MGME1: variants seen among roughly 807,000 people sequenced by gnomAD.
The protein encoded by MGME1 is mitochondrial genome maintenance exonuclease 1, also known as chromosome 20 open reading frame 72.
MGME1 carries 22 observed loss-of-function variants against 33.0 expected under a neutral mutation model. That is an observed-to-expected ratio of 0.67 (90% confidence interval 0.48 to 0.95). MGME1 has a LOEUF of 0.95. MGME1 is among the 40% of genes least tolerant of loss of function. MGME1 has a pLI of 0.00. For synonymous variants in MGME1, 133 were observed against 144.0 expected, an observed-to-expected ratio of 0.92 and a Z score of 0.55; for missense variants, 383 against 397.8, an observed-to-expected ratio of 0.96 and a Z score of 0.32.
intron 3 of MGME1, among the ~76,000 whole-genome samples, chr20:17,982,983 C>A (rs886415756): frequency 4.6e-5 from 7 of 152,208 alleles, no homozygotes; most frequent in African/African-American, 1.7e-4. Flanking sequence ...CCATGCTGTG[C>A]AACAGATCAC....
At chr20:17,980,730 A>AT (rs1348666930) in intron 3 of MGME1, among the ~76,000 whole-genome samples, 1 of 151,424 alleles carries the variant, frequency 6.6e-6, no homozygotes, top group Non-Finnish European at 1.5e-5. Context: ...AATGGCGTGA[A>AT]CCCGGGAGGC....
intron 3 of MGME1, among the ~76,000 whole-genome samples, chr20:17,987,157 G>GTGAGAC (rs1600405364): frequency 1.5e-5 from 2 of 132,272 alleles, no homozygotes; most frequent in East Asian, 4.2e-4. Context: ...TCCAGCCTGA[G>GTGAGAC]TGAGACTCCA....
intron 2 of MGME1, among the ~76,000 whole-genome samples, chr20:17,975,417 C>T (rs868542816): frequency 4.8e-4 from 73 of 152,010 alleles, no homozygotes; most frequent in African/African-American, 1.4e-3. Flanking sequence ...ATTAGCCAGG[C>T]ACGGTGGCGG....
At position 17,981,507 on chromosome 20, in the gene MGME1, T is replaced by G. The variant is rs557001189; in HGVS notation, c.731+5604T>G. ...ATGTTACATTATTATTTTGATCTACTTCTTTTTTTACTTTTTTATAGAAAT... is the reference window on the plus strand; with the variant it reads ...ATGTTACATTATTATTTTGATCTACGTCTTTTTTTACTTTTTTATAGAAAT... On this transcript the variant is annotated intron_variant, in intron 3 of 4. Coordinates refer to ENST00000377710, the MANE Select transcript of MGME1 (RefSeq NM_052865.4). Among the ~76,000 whole-genome samples, 5 of 152,384 alleles carry G rather than the reference T, an allele frequency of 3.3e-5. No homozygotes were observed. The South Asian group carries it at 1.0e-3, about 32-fold the overall frequency.
intron 4 of MGME1, among the ~76,000 whole-genome samples, chr20:17,988,551 A>C (rs2036210971): frequency 6.6e-6 from 1 of 150,908 alleles, no homozygotes; most frequent in Admixed American, 6.6e-5. Flanking sequence ...CTGAGGCAGG[A>C]GAATTGCTTG....
At chr20:17,968,649 C>T, upstream of MGME1, 1 of 609,720 alleles carries the variant, frequency 1.6e-6, no homozygotes, top group Non-Finnish European at 3.0e-6. Flanking sequence ...GCCTCCCAGT[C>T]CCCGCTGCCG....
Position 17,990,308 on chromosome 20 carries a change from C to T in MGME1, c.*199C>T, listed in dbSNP as rs1052651005. On this transcript the variant is annotated 3_prime_UTR_variant, in exon 5 of 5. Coordinates refer to ENST00000377710, the MANE Select transcript of MGME1 (RefSeq NM_052865.4). ...AGTCTAGATATAAAGACCTAGACTT[C>T]GGCACGCGAAATCCCAGCTATGCTA... is the stretch of plus-strand genomic sequence containing the variant. 4.9e-6 allele frequency: 3 copies of T among 609,912 alleles called. No homozygotes were observed. The highest frequency in any genetic ancestry group is 5.8e-6 in the Non-Finnish European group (2 of 343,738). 37.8% of individuals were successfully genotyped at this position (609,912 alleles called of 1,614,324 possible).
chr20:17,969,460 C>T (rs2035652076), intron 1 of MGME1, among the ~76,000 whole-genome samples: 1 of 152,224 alleles, frequency 6.6e-6, no homozygotes, highest in South Asian at 2.1e-4. Flanking sequence ...AGGAATTAGT[C>T]GTCGTCTGTC....
rs142226565 is a variant in MGME1, at chr20:17,972,180, A to C, written c.511+1810A>C. 5.2e-3 allele frequency among the ~76,000 whole-genome samples: 790 copies of C among 152,350 alleles called. 7 individuals are homozygous for C. Among genetic ancestry groups the C allele is most frequent in the African/African-American group, 0.018 (754 of 41,570 alleles). On this transcript the variant is annotated intron_variant, in intron 2 of 4. Coordinates refer to ENST00000377710, the MANE Select transcript of MGME1 (RefSeq NM_052865.4). The stretch of plus-strand genomic sequence containing the variant: ...TGGAGGATACTGGATCCCAAACCCA[A>C]GAAGGTGGCACCCAAGAAGAATTAC...
At chr20:17,988,984 G>A (rs940789163) in intron 4 of MGME1, among the ~76,000 whole-genome samples, 20 of 152,146 alleles carry the variant, frequency 1.3e-4, no homozygotes, top group Non-Finnish European at 1.2e-4. Context: ...AGCTACTTGG[G>A]AGGCTGAGGT....
chr20:17,970,488 C>A, intron 2 of MGME1, 118 bp downstream of exon 2: 2 of 983,288 alleles, frequency 2.0e-6, no homozygotes, highest in South Asian at 1.6e-5. Flanking sequence ...GAACTCCCTT[C>A]AGATAGTAAT....
chr20:17,989,611 C>G (rs940932251), intron 4 of MGME1, among the ~76,000 whole-genome samples: 7 of 151,114 alleles, frequency 4.6e-5, no homozygotes, highest in African/African-American at 1.7e-4. Context: ...TGCAACGAGC[C>G]GAGATTGTGC....
Position 17,986,371 on chromosome 20 carries a change from AT to A in MGME1, c.732-1783del, listed in dbSNP as rs957074655. On this transcript the variant is annotated intron_variant, in intron 3 of 4. Transcript: ENST00000377710. ...GGTGTAAGCCACCGTGCCCGGCAGA[AT>A]TTTTTTTTTTTCTTTTTTCCTGAGA... 5.3e-4 allele frequency among the ~76,000 whole-genome samples: 75 copies of A among 140,194 alleles called. No individual in the cohort carries two copies. In the Middle Eastern group the frequency reaches 0.012, roughly 22 times the overall value. The allele number at this position is 140,194 out of a possible 152,430, so 92.0% of individuals were successfully genotyped here. A position where few individuals can be genotyped will look rare whatever the true frequency, so the allele number is the denominator to read the frequency against.
upstream of MGME1, chr20:17,968,746 C>T (rs1397920339): frequency 2.6e-6 from 1 of 391,778 alleles, no homozygotes; most frequent in South Asian, 3.2e-5. Flanking sequence ...GGCCGCGACA[C>T]GGACGGGAAG....
At chr20:17,981,055 T>G (rs1332451678) in intron 3 of MGME1, among the ~76,000 whole-genome samples, 1 of 152,156 alleles carries the variant, frequency 6.6e-6, no homozygotes, top group African/African-American at 2.4e-5. Context: ...TGGCACTACC[T>G]CCTTCTAGTC....
intron 2 of MGME1, among the ~76,000 whole-genome samples, chr20:17,971,778 A>G (rs2035734354): frequency 6.6e-6 from 1 of 152,130 alleles, no homozygotes; most frequent in South Asian, 2.1e-4. Context: ...AGCAACCTTA[A>G]GAAATGAGCA....
intron 2 of MGME1, among the ~76,000 whole-genome samples, chr20:17,973,597 G>A (rs2035783000): frequency 6.6e-6 from 1 of 150,840 alleles, no homozygotes; most frequent in Non-Finnish European, 1.5e-5. Context: ...AGCAATGATC[G>A]AGCCAGTACA....
rs1555792156 is a variant in MGME1, at chr20:17,990,410, T to TGGGCGGG, written c.*304_*305insCGGGGGG. The TGGGCGGG allele has an allele frequency of 2.2e-5, 1 of 44,504 alleles. No homozygotes were observed. The highest frequency in any genetic ancestry group is 1.4e-4 in the African/African-American group (1 of 7,190). 2.8% of individuals were successfully genotyped at this position (44,504 alleles called of 1,614,324 possible). ...ACTCTTGTACTCCCTTGAGGGACAT[T>TGGGCGGG]GGGGGGGGGGGGGCGTGGTCCCAGG... On this transcript the variant is annotated 3_prime_UTR_variant, in exon 5 of 5. Coordinates refer to ENST00000377710, the MANE Select transcript of MGME1 (RefSeq NM_052865.4).
intron 3 of MGME1, among the ~76,000 whole-genome samples, chr20:17,976,926 G>A (rs1164332256): frequency 6.6e-6 from 1 of 152,044 alleles, no homozygotes; most frequent in Non-Finnish European, 1.5e-5. Context: ...CTCCCAAAGT[G>A]CTAGGATTGT....
Sources: gnomAD v4.1 joint callset for allele counts (sites outside exome capture counted in the v4.1 genomes callset) on GRCh38, gnomAD v4.1.1 for gene constraint, MANE v1.5 for transcripts, NCBI Gene and HGNC (gene_info 2026-07-23, HGNC 2026-07-21) for gene names.